UVSSA: variants seen among roughly 807,000 people sequenced by gnomAD.
UVSSA encodes the protein UV-stimulated scaffold protein A.
UVSSA carries 72 observed loss-of-function variants against 73.9 expected under a neutral mutation model. The ratio of observed to expected loss-of-function variants is 0.97; its 90% confidence interval spans 0.81 to 1.19. The LOEUF (loss-of-function observed/expected upper bound fraction) is 1.19. Ranked by LOEUF, UVSSA falls within the 50% of genes most tolerant of loss-of-function variation. UVSSA has a pLI of 0.00. For synonymous variants in UVSSA, 454 were observed against 391.3 expected, an observed-to-expected ratio of 1.16 and a Z score of -1.89; for missense variants, 1,150 against 965.0, an observed-to-expected ratio of 1.19 and a Z score of -2.54.
chr4:1,380,152 G>A lies in UVSSA; in HGVS notation c.1674G>A (p.Gly558=). The A allele has an allele frequency of 6.2e-7, 1 of 1,613,262 alleles. No homozygotes were observed. The highest frequency in any genetic ancestry group is 8.5e-7 in the Non-Finnish European group (1 of 1,180,016). Residue 558 remains glycine (G), a synonymous_variant, in exon 11 of 14, where the codon GGG becomes GGA. Transcript: ENST00000389851. ...GGAGCCGCCACATCACTTTTGCCGG[G>A]AAGTTTGAGCCTGTGCAGCACTGGT... ...MLRSRHITFA[G]KFEPVQHWCR...
At chr4:1,395,507 C>T (rs758890909) in exon 14 of UVSSA, 4 of 1,599,654 alleles carry the variant, frequency 2.5e-6, no homozygotes, top group Non-Finnish European at 3.4e-6. Context: ...TGCCCGCCTG[C>T]TCACACACAT....
intron 4 of UVSSA, among the ~76,000 whole-genome samples, 197 bp downstream of exon 4, chr4:1,352,032 T>C (rs1164196194): frequency 6.6e-6 from 1 of 152,230 alleles, no homozygotes; most frequent in African/African-American, 2.4e-5. Flanking sequence ...TCCCGCGCCC[T>C]CTGGTGGTCA....
intron 10 of UVSSA, among the ~76,000 whole-genome samples, chr4:1,377,531 GC>G (rs1560477822): frequency 6.6e-6 from 1 of 152,092 alleles, no homozygotes; most frequent in African/African-American, 2.4e-5. Context: ...CACCAGGGGT[GC>G]CCCAAGGCCA....
intron 11 of UVSSA, chr4:1,380,642 C>A (rs1051606239): frequency 6.6e-7 from 1 of 1,523,796 alleles, no homozygotes; most frequent in Admixed American, 2.0e-5. Context: ...GAGGCCTAGA[C>A]TTTCCACAGC....
At chr4:1,382,618 G>A (rs1043346233) in intron 12 of UVSSA, among the ~76,000 whole-genome samples, 4 of 152,202 alleles carry the variant, frequency 2.6e-5, no homozygotes, top group African/African-American at 7.2e-5. Flanking sequence ...TCCATTCACC[G>A]GGTTCCTAAA....
intron 3 of UVSSA, among the ~76,000 whole-genome samples, chr4:1,351,223 G>T (rs182705498): frequency 1.3e-5 from 2 of 150,932 alleles, no homozygotes; most frequent in East Asian, 3.9e-4. Context: ...CCCCCACCAC[G>T]CCCGGCTAAT....
chr4:1,342,732 T>TA (rs1459786825), upstream of UVSSA, among the ~76,000 whole-genome samples: 3 of 152,204 alleles, frequency 2.0e-5, no homozygotes, highest in Non-Finnish European at 2.9e-5. Context: ...CACCATTTGT[T>TA]AAAAAGACCT....
At chr4:1,357,504 G>C (rs999063005) in intron 7 of UVSSA, among the ~76,000 whole-genome samples, 32 of 152,374 alleles carry the variant, frequency 2.1e-4, no homozygotes, top group Admixed American at 1.4e-3. Context: ...GCAGCCTCCG[G>C]GACTGCTGGC....
intron 8 of UVSSA, among the ~76,000 whole-genome samples, chr4:1,374,507 G>T (rs1031414841): frequency 2.0e-5 from 3 of 152,264 alleles, no homozygotes; most frequent in African/African-American, 7.2e-5. Flanking sequence ...CTGGTCCGGG[G>T]ACCCTGGGTG....
At chr4:1,369,639 T>A (rs1717775389) in intron 8 of UVSSA, among the ~76,000 whole-genome samples, 1 of 152,224 alleles carries the variant, frequency 6.6e-6, no homozygotes, top group Non-Finnish European at 1.5e-5. Context: ...ACATTTTAAT[T>A]ACAAGGCCAG....
intron 3 of UVSSA, among the ~76,000 whole-genome samples, chr4:1,351,380 TTC>T: frequency 6.9e-6 from 1 of 144,754 alleles, no homozygotes; most frequent in Non-Finnish European, 1.5e-5. Flanking sequence ...AGTCTTTATT[TTC>T]TTTCTTTTTT....
At chr4:1,352,864 G>T (rs907874349) in intron 4 of UVSSA, among the ~76,000 whole-genome samples, 166 bp from the exon 5 acceptor site, 3 of 152,260 alleles carry the variant, frequency 2.0e-5, no homozygotes, top group African/African-American at 7.2e-5. Context: ...TGCACTACCT[G>T]AGCCTGGAAG....
At position 1,395,502 on chromosome 4, in the gene UVSSA, G is replaced by A. The variant is rs1487620165; in HGVS notation, c.*9541G>A. 1.2e-4 allele frequency: 185 copies of A among 1,594,086 alleles called. 1 individual carries two copies. The highest frequency in any genetic ancestry group is 4.1e-4 in the South Asian group (37 of 90,350). On this transcript the variant is annotated 3_prime_UTR_variant, in exon 14 of 14. Coordinates refer to the UVSSA transcript ENST00000511216. ...TCACACGTGCCATTGTGGAGTGCCCGCCTGCTCACACACATGCCGATGTGG... is the reference window on the plus strand; with the variant it reads ...TCACACGTGCCATTGTGGAGTGCCCACCTGCTCACACACATGCCGATGTGG...
intron 10 of UVSSA, 84 bp from the exon 11 acceptor site, chr4:1,379,963 G>A: frequency 2.0e-6 from 3 of 1,469,980 alleles, no homozygotes; most frequent in African/African-American, 2.8e-5. Context: ...GTGGTGTTTG[G>A]CCTTCCCCTG....
chr4:1,344,438 C>T (rs552291967), upstream of UVSSA, among the ~76,000 whole-genome samples: 2 of 152,114 alleles, frequency 1.3e-5, no homozygotes, highest in South Asian at 4.2e-4. Flanking sequence ...GTAATCCCAG[C>T]TATTTGGGAG....
In UVSSA at chr4:1,347,438, C is replaced by A. The variant is rs552106068; in HGVS notation, c.-325C>A. On this transcript the variant is annotated 5_prime_UTR_variant, in exon 1 of 14. Transcript: ENST00000389851. ...AGCCGGCGCGCCCGCCCGGTGCAGC[C>A]GCTGTGCGAGAGCGACCCCGCGGTC... 2.6e-5 allele frequency: 4 copies of A among 152,268 alleles called. No individual in the cohort carries two copies. The highest frequency in any genetic ancestry group is 4.8e-5 in the African/African-American group (2 of 41,464). The allele number at this position is 152,268 out of a possible 1,614,324, so 9.4% of individuals were successfully genotyped here. A position where few individuals can be genotyped will look rare whatever the true frequency, so the allele number is the denominator to read the frequency against.
rs780147872 is a variant in UVSSA, at chr4:1,353,288, C to G, written c.809C>G (p.Ala270Gly). 5.0e-6 allele frequency: 8 copies of G among 1,611,082 alleles called. No individual in the cohort carries two copies. Among genetic ancestry groups the G allele is most frequent in the Non-Finnish European group, 6.8e-6 (8 of 1,179,852 alleles). The change falls in exon 5 of 14, where the codon GCA (alanine) becomes GGA (glycine). Residue 270 changes from alanine (A) to glycine (G), a missense_variant. By Grantham distance (60) the Ala-to-Gly change is moderately conservative. Coordinates refer to ENST00000389851, the MANE Select transcript of UVSSA (RefSeq NM_020894.4). Reference sequence around the variant, plus strand: ...GGCCACCCCAGAGCGGGCGGCGGGGCACAGCCATCCCAGACAGCCACAGGT... The same window carrying G: ...GGCCACCCCAGAGCGGGCGGCGGGGGACAGCCATCCCAGACAGCCACAGGT... ...SAGHPRAGGG[A>G]QPSQTATGDP...
intron 11 of UVSSA, chr4:1,380,602 G>T: frequency 6.8e-7 from 1 of 1,474,388 alleles, no homozygotes; most frequent in Non-Finnish European, 9.1e-7. Context: ...GCATGGTGCA[G>T]GGGGGTCGCT....
chr4:1,352,203 T>A (rs968108339), intron 4 of UVSSA, among the ~76,000 whole-genome samples: 1 of 152,216 alleles, frequency 6.6e-6, no homozygotes, highest in Non-Finnish European at 1.5e-5. Context: ...AAAACTTCAC[T>A]GTTTGCTTCT....
Sources: gnomAD v4.1 joint callset for allele counts (sites outside exome capture counted in the v4.1 genomes callset) on GRCh38, gnomAD v4.1.1 for gene constraint, MANE v1.5 for transcripts, NCBI Gene and HGNC (gene_info 2026-07-23, HGNC 2026-07-21) for gene names.